Variants in PPARD observed in about 807,000 individuals in gnomAD.
The protein encoded by PPARD is peroxisome proliferator-activated receptor delta.
Under a neutral mutation model 39.5 loss-of-function variants are expected in PPARD, and 6 were observed. The ratio of observed to expected loss-of-function variants is 0.15; its 90% confidence interval spans 0.08 to 0.30. The LOEUF (loss-of-function observed/expected upper bound fraction) is 0.30. Among genes scored for constraint, PPARD ranks in the 10% least tolerant of loss-of-function variants. The pLI is 1.00. For synonymous variants in PPARD, 210 were observed against 231.3 expected (o/e 0.91, Z 0.83); for missense variants, 397 against 596.8 (o/e 0.67, Z 3.49).
rs1219230717 is a variant in PPARD at position 35,345,877 on chromosome 6, T to G, written c.-185-1190T>G. On this transcript the variant is annotated intron_variant, in intron 1 of 7. Coordinates refer to ENST00000360694, the MANE Select transcript of PPARD (RefSeq NM_006238.5). ...TTGGACCTGTCACTTTTTTTTCGTTTTTTTTTTTTTTTTTTTTGAGATGGA... is the reference window on the plus strand; with the variant it reads ...TTGGACCTGTCACTTTTTTTTCGTTGTTTTTTTTTTTTTTTTTGAGATGGA... Among the ~76,000 whole-genome samples the G allele has an allele frequency of 7.6e-5, 11 of 144,452 alleles. No homozygotes were observed. The East Asian group carries it at 2.2e-3, about 29-fold the overall frequency. 94.8% of individuals were successfully genotyped at this position (144,452 alleles called of 152,430 possible).
intron 2 of PPARD, among the ~76,000 whole-genome samples, chr6:35,387,716 CT>C (rs61314141): frequency 0.019 from 1,728 of 89,306 alleles, 6 homozygotes; most frequent in Non-Finnish European, 0.023. Context: ...ACACTGCATT[CT>C]TTTTTTTTTT....
chr6:35,397,779 A>G (rs1396976492), intron 2 of PPARD, among the ~76,000 whole-genome samples: 1 of 152,200 alleles, frequency 6.6e-6, no homozygotes, highest in Non-Finnish European at 1.5e-5. Context: ...AGACGGATGG[A>G]GAAAGTTGAA....
chr6:35,404,487 G>A (rs1764900989), intron 2 of PPARD, among the ~76,000 whole-genome samples: 1 of 152,178 alleles, frequency 6.6e-6, no homozygotes, highest in Admixed American at 6.5e-5. Context: ...ATGGAGGATG[G>A]AGGCCCCTGG....
intron 2 of PPARD, among the ~76,000 whole-genome samples, chr6:35,365,447 CT>C (rs571666073): frequency 1.0e-4 from 15 of 144,518 alleles, no homozygotes; most frequent in African/African-American, 1.0e-4. Context: ...GCCCCTCATT[CT>C]TTTTTTTTTA....
At chr6:35,344,603 G>A (rs1480179655) in intron 1 of PPARD, among the ~76,000 whole-genome samples, 2 of 152,026 alleles carry the variant, frequency 1.3e-5, no homozygotes, top group African/African-American at 2.4e-5. Flanking sequence ...TTCTGAAAGC[G>A]TGACCCACTC....
chr6:35,388,449 C>A (rs188482855), intron 2 of PPARD, among the ~76,000 whole-genome samples: 9 of 152,126 alleles, frequency 5.9e-5, no homozygotes, highest in African/African-American at 2.2e-4. Flanking sequence ...TGTAGTGGCT[C>A]ACACCTGTAC....
chr6:35,369,745 G>A lies in PPARD; in HGVS notation c.-102+22595G>A, dbSNP rs1381960234. Among the ~76,000 whole-genome samples, 9 of 152,148 alleles carry A rather than the reference G, an allele frequency of 5.9e-5. No individual in the cohort carries two copies. In the South Asian group the frequency reaches 1.4e-3, roughly 24 times the overall value. ...TATTTAATCAGTCCTGCCAACAGAC[G>A]TTTAGGTTATTTCTCATCTTTTGCT... On this transcript the variant is annotated intron_variant, in intron 2 of 7. Transcript: ENST00000360694.
intron 2 of PPARD, among the ~76,000 whole-genome samples, chr6:35,357,223 G>A (rs1436243573): frequency 6.6e-6 from 1 of 152,150 alleles, no homozygotes; most frequent in African/African-American, 2.4e-5. Context: ...TCCTCTCCAA[G>A]CCCAGATGGG....
At chr6:35,364,150 A>G (rs1401376164) in intron 2 of PPARD, among the ~76,000 whole-genome samples, 1 of 152,132 alleles carries the variant, frequency 6.6e-6, no homozygotes, top group Non-Finnish European at 1.5e-5. Context: ...GGAATTATAT[A>G]ATATGTAGCC....
intron 2 of PPARD, among the ~76,000 whole-genome samples, chr6:35,361,360 C>T (rs1761917095): frequency 6.6e-6 from 1 of 152,074 alleles, no homozygotes; most frequent in African/African-American, 2.4e-5. Context: ...AACAGAACTT[C>T]AAGGCAGCTG....
intron 2 of PPARD, among the ~76,000 whole-genome samples, chr6:35,365,608 A>G (rs1048818383): frequency 1.3e-5 from 2 of 151,078 alleles, no homozygotes; most frequent in African/African-American, 4.9e-5. Context: ...CTCCCGCCTC[A>G]GCCTCCTGAG....
At chr6:35,351,011 C>A (rs1300912913) in intron 2 of PPARD, among the ~76,000 whole-genome samples, 1 of 151,966 alleles carries the variant, frequency 6.6e-6, no homozygotes, top group Non-Finnish European at 1.5e-5. Context: ...CCTTTAGATT[C>A]TTTTTTTGTT....
Position 35,425,322 on chromosome 6 carries a change from G to C in PPARD, c.1079-510G>C. On this transcript the variant is annotated intron_variant, in intron 7 of 7. Transcript: ENST00000360694. This position sits in a 1 kb window ranked among gnomAD's most constrained non-coding sequence, Gnocchi z 4.5. ...GGCAGTATGCTGTCATGTTAATGTGGGGTGGAAAAATTGTCTGCATTTTTT... is the reference window on the plus strand; with the variant it reads ...GGCAGTATGCTGTCATGTTAATGTGCGGTGGAAAAATTGTCTGCATTTTTT... 1.0e-6 allele frequency: 1 copy of C among 1,003,994 alleles called. No homozygotes were observed. The highest frequency in any genetic ancestry group is 1.2e-6 in the Non-Finnish European group (1 of 840,736). The allele number at this position is 1,003,994 out of a possible 1,614,324, so 62.2% of individuals were successfully genotyped here.
chr6:35,406,061 G>T (rs1244448614), intron 2 of PPARD, among the ~76,000 whole-genome samples: 1 of 152,046 alleles, frequency 6.6e-6, no homozygotes, highest in Non-Finnish European at 1.5e-5. Flanking sequence ...GAGTAGCTGG[G>T]ATTACAAATG....
intron 3 of PPARD, among the ~76,000 whole-genome samples, chr6:35,415,599 G>A (rs564818393): frequency 6.6e-6 from 1 of 152,350 alleles, no homozygotes; most frequent in Non-Finnish European, 1.5e-5. Flanking sequence ...TGCCTCCTCA[G>A]CAGTGACTGT....
At chr6:35,415,646 G>A (rs78609397) in intron 3 of PPARD, among the ~76,000 whole-genome samples, 1,815 of 152,202 alleles carry the variant, frequency 0.012, 50 homozygotes, top group African/African-American at 0.041. Flanking sequence ...ATTGATTAGC[G>A]GTACTGAACA....
chr6:35,357,686 G>A (rs181038054), intron 2 of PPARD, among the ~76,000 whole-genome samples: 14 of 152,130 alleles, frequency 9.2e-5, no homozygotes, highest in African/African-American at 3.4e-4. Context: ...ACAGGCATGC[G>A]CCACCTCACC....
At chr6:35,383,308 A>C (rs572299009) in intron 2 of PPARD, among the ~76,000 whole-genome samples, 1 of 152,228 alleles carries the variant, frequency 6.6e-6, no homozygotes, top group South Asian at 2.1e-4. Flanking sequence ...TCAGCAAACA[A>C]ATGGGTAACT....
chr6:35,379,231 G>T (rs1012379136), intron 2 of PPARD, among the ~76,000 whole-genome samples: 12 of 151,808 alleles, frequency 7.9e-5, no homozygotes, highest in Non-Finnish European at 1.3e-4. Flanking sequence ...AGCCTCCCGA[G>T]TAGCTGGGGT....
Sources: gnomAD v4.1 joint callset for allele counts (sites outside exome capture counted in the v4.1 genomes callset) on GRCh38, gnomAD v4.1.1 for gene constraint, Gnocchi (gnomAD v3.1) non-coding constraint, MANE v1.5 for transcripts, NCBI Gene and HGNC (gene_info 2026-07-23, HGNC 2026-07-21) for gene names.